ERI1: variants seen among roughly 807,000 people sequenced by gnomAD.
The protein encoded by ERI1 is 3'-5' exoribonuclease 1.
In ERI1, 39 loss-of-function variants were observed where a neutral mutation model predicts 39.7. That is an observed-to-expected ratio of 0.98 (90% confidence interval 0.76 to 1.28). The LOEUF (loss-of-function observed/expected upper bound fraction) is 1.28, where lower values mean the gene tolerates loss of function less well. Ranked by LOEUF, ERI1 falls within the 50% of genes most tolerant of loss-of-function variation. ERI1 has a pLI of 0.00. For missense variants in ERI1, 581 were observed against 416.9 expected, an observed-to-expected ratio of 1.39 and a Z score of -3.43; for synonymous variants, 204 against 149.6, an observed-to-expected ratio of 1.36 and a Z score of -2.65.
At chr8:9,015,756 A>AGCTTCTTG (rs1817196231) in intron 3 of ERI1, among the ~76,000 whole-genome samples, 2 of 150,906 alleles carry the variant, frequency 1.3e-5, no homozygotes, top group Non-Finnish European at 3.0e-5. Context: ...CCATCGTGAA[A>AGCTTCTTG]GCTTCTTGAA....
intron 3 of ERI1, among the ~76,000 whole-genome samples, chr8:9,013,737 C>T (rs1424487481): frequency 6.6e-6 from 1 of 152,122 alleles, no homozygotes; most frequent in East Asian, 1.9e-4. Flanking sequence ...CTCCTGTAGC[C>T]TGGGGGATGG....
intron 3 of ERI1, among the ~76,000 whole-genome samples, chr8:9,047,525 T>C (rs1197523973): frequency 1.3e-5 from 2 of 151,882 alleles, no homozygotes; most frequent in Non-Finnish European, 2.9e-5. Context: ...AAAAAAAGTT[T>C]TTAAAATTAG....
chr8:9,021,332 C>A lies in ERI1; in HGVS notation c.807+868C>A, dbSNP rs540139605. 2.2e-4 allele frequency among the ~76,000 whole-genome samples: 33 copies of A among 152,194 alleles called. 1 individual carries two copies. In the South Asian group the frequency reaches 6.6e-3, roughly 31 times the overall value. ...TCTTCCTGGAGCCTTTAATCCTGTT[C>A]TAATCTGAACTGTTAGTTCTTCAGG... is the stretch of plus-strand genomic sequence containing the variant. On this transcript the variant is annotated intron_variant, in intron 6 of 6. Coordinates refer to ENST00000250263, the MANE Select transcript of ERI1 (RefSeq NM_153332.4).
downstream of ERI1, among the ~76,000 whole-genome samples, chr8:9,033,574 C>T (rs1024609041): frequency 2.0e-5 from 3 of 152,006 alleles, no homozygotes; most frequent in Admixed American, 6.5e-5. Context: ...TGTTAAGGTA[C>T]AATGATACTT....
chr8:9,017,182 G>A (rs1817393561), intron 4 of ERI1, among the ~76,000 whole-genome samples: 1 of 152,112 alleles, frequency 6.6e-6, no homozygotes, highest in Non-Finnish European at 1.5e-5. Context: ...TGAGACTATA[G>A]GCACACACCA....
chr8:9,030,133 T>A lies in ERI1; in HGVS notation c.*99T>A. On this transcript the variant is annotated 3_prime_UTR_variant, in exon 7 of 7. Transcript: ENST00000250263. ...TCCTGTAGTGCAAACTTTAAGCACCTTAAAACATTTAAAATCTTATTACAG... is the reference window on the plus strand; with the variant it reads ...TCCTGTAGTGCAAACTTTAAGCACCATAAAACATTTAAAATCTTATTACAG... 1 of 1,419,252 alleles carries A rather than the reference T, an allele frequency of 7.0e-7. No individual in the cohort carries two copies. Among genetic ancestry groups the A allele is most frequent in the African/African-American group, 1.4e-5 (1 of 70,634 alleles). 87.9% of individuals were successfully genotyped at this position (1,419,252 alleles called of 1,614,324 possible). A position where few individuals can be genotyped will look rare whatever the true frequency, so the allele number is the denominator to read the frequency against.
chr8:9,022,909 TATCTG>T (rs1449541748), intron 6 of ERI1, among the ~76,000 whole-genome samples: 3 of 152,234 alleles, frequency 2.0e-5, no homozygotes, highest in African/African-American at 7.2e-5. Flanking sequence ...GACATTATGT[TATCTG>T]ATCTGTAAAA....
chr8:9,099,130 C>T (rs1305401255), intron 3 of ERI1, among the ~76,000 whole-genome samples: 4 of 152,090 alleles, frequency 2.6e-5, no homozygotes, highest in African/African-American at 7.2e-5. Context: ...CCACCACACC[C>T]GGCCACAATT....
intron 3 of ERI1, among the ~76,000 whole-genome samples, chr8:9,088,051 G>A (rs998550124): frequency 2.0e-5 from 3 of 152,100 alleles, no homozygotes; most frequent in South Asian, 2.1e-4. Flanking sequence ...CTCACGCTGC[G>A]GTATGTGGTT....
At chr8:9,063,361 C>A (rs1798765278) in intron 3 of ERI1, among the ~76,000 whole-genome samples, 1 of 151,992 alleles carries the variant, frequency 6.6e-6, no homozygotes, top group Non-Finnish European at 1.5e-5. Flanking sequence ...GCCTTTAGCT[C>A]CAGCCACCTT....
intron 3 of ERI1, among the ~76,000 whole-genome samples, chr8:9,045,986 T>C (rs996771847): frequency 6.6e-6 from 1 of 152,196 alleles, no homozygotes; most frequent in African/African-American, 2.4e-5. Context: ...GCCATATCTA[T>C]AGATGAATTT....
intron 3 of ERI1, chr8:9,099,970 A>T (rs1487530557): frequency 1.3e-5 from 2 of 152,250 alleles, no homozygotes; most frequent in Non-Finnish European, 2.9e-5. Flanking sequence ...GATGAAGACC[A>T]AGATGGTAAA....
chr8:9,004,485 C>CTTGTTTTTTTTTTT (rs1815744662), intron 1 of ERI1, among the ~76,000 whole-genome samples: 4 of 78,306 alleles, frequency 5.1e-5, no homozygotes, highest in African/African-American at 2.0e-4. Context: ...TATAGTGATA[C>CTTGTTTTTTTTTTT]TTTTTTTTTT....
At chr8:9,011,981 A>G (rs1017495988) in intron 3 of ERI1, among the ~76,000 whole-genome samples, 2 of 152,138 alleles carry the variant, frequency 1.3e-5, no homozygotes, top group East Asian at 3.9e-4. Flanking sequence ...GTTGTTTTCC[A>G]TTTGCTTAGA....
At chr8:9,056,502 A>G (rs1006642244) in intron 3 of ERI1, among the ~76,000 whole-genome samples, 5 of 148,020 alleles carry the variant, frequency 3.4e-5, no homozygotes, top group African/African-American at 9.7e-5. Flanking sequence ...TTATAAATGC[A>G]TCTGTAAGTA....
At chr8:9,067,491 C>A (rs113305022) in intron 3 of ERI1, among the ~76,000 whole-genome samples, 56 of 150,864 alleles carry the variant, frequency 3.7e-4, no homozygotes, top group African/African-American at 1.3e-3. Context: ...CCCATCTCTA[C>A]AAAAGATGCA....
At chr8:9,021,135 C>A (rs565214286) in intron 6 of ERI1, among the ~76,000 whole-genome samples, 1 of 152,232 alleles carries the variant, frequency 6.6e-6, no homozygotes, top group Admixed American at 6.5e-5. Context: ...GTTCATACTC[C>A]CGTGACTATG....
chr8:9,010,371 T>C (rs1203629596), intron 2 of ERI1, among the ~76,000 whole-genome samples: 5 of 152,094 alleles, frequency 3.3e-5, no homozygotes, highest in African/African-American at 1.2e-4. Flanking sequence ...GACACAGAGG[T>C]CACTCACAGT....
intron 3 of ERI1, among the ~76,000 whole-genome samples, chr8:9,083,298 C>G (rs1403940180): frequency 1.3e-5 from 2 of 152,194 alleles, no homozygotes; most frequent in Non-Finnish European, 2.9e-5. Context: ...TGGCTGTGCT[C>G]TGACGGTAAC....
Sources: gnomAD v4.1 joint callset for allele counts (sites outside exome capture counted in the v4.1 genomes callset) on GRCh38, gnomAD v4.1.1 for gene constraint, MANE v1.5 for transcripts, NCBI Gene and HGNC (gene_info 2026-07-23, HGNC 2026-07-21) for gene names.